Variants in HPSE2 observed in about 807,000 individuals in gnomAD.
HPSE2 encodes the protein inactive heparanase-2.
In HPSE2, 38 loss-of-function variants were observed where a neutral mutation model predicts 60.5. The observed-to-expected ratio is 0.63, with a 90% CI of 0.48 to 0.82. The LOEUF (loss-of-function observed/expected upper bound fraction) is 0.82. HPSE2 is among the 40% of genes least tolerant of loss of function. The pLI is 0.00. For missense variants in HPSE2, 713 were observed against 740.4 expected, an observed-to-expected ratio of 0.96 and a Z score of 0.43; for synonymous variants, 295 against 293.2, an observed-to-expected ratio of 1.01 and a Z score of -0.06.
chr10:98,955,982 G>A (rs1307144264), intron 3 of HPSE2, among the ~76,000 whole-genome samples: 1 of 152,060 alleles, frequency 6.6e-6, no homozygotes, highest in Non-Finnish European at 1.5e-5. Context: ...AGAGCATCAG[G>A]ATAAACAGTT....
At chr10:98,524,225 G>T (rs952387909) in intron 9 of HPSE2, among the ~76,000 whole-genome samples, 1 of 152,194 alleles carries the variant, frequency 6.6e-6, no homozygotes, top group Admixed American at 6.5e-5. Context: ...AATGGGACAC[G>T]CGCATGAGTT....
chr10:98,773,310 AGG>A (rs1950278695), intron 3 of HPSE2, among the ~76,000 whole-genome samples: 1 of 152,192 alleles, frequency 6.6e-6, no homozygotes, highest in African/African-American at 2.4e-5. Flanking sequence ...AGAGAATCAA[AGG>A]TTCAGTTATC....
chr10:98,829,747 A>G lies in HPSE2; in HGVS notation c.611-85691T>C, dbSNP rs147008754. Among the ~76,000 whole-genome samples, 104 of 152,264 alleles carry G rather than the reference A, an allele frequency of 6.8e-4. 1 individual carries two copies. Among genetic ancestry groups the G allele is most frequent in the African/African-American group, 2.4e-3 (100 of 41,578 alleles). On this transcript the variant is annotated intron_variant, in intron 3 of 11. Coordinates refer to ENST00000370552, the MANE Select transcript of HPSE2 (RefSeq NM_021828.5). ...AAAAACTTTATCTAGCCTTTAATAC[A>G]TGGGCTGGATTGCATTTTCAAAGTG...
intron 3 of HPSE2, among the ~76,000 whole-genome samples, chr10:98,800,645 G>C (rs1027958885): frequency 1.3e-5 from 2 of 151,756 alleles, no homozygotes; most frequent in Admixed American, 1.3e-4. Context: ...CAAATTCCTA[G>C]ACACATACAA....
the HPSE2 span, among the ~76,000 whole-genome samples, chr10:99,249,857 G>T: frequency 5.3e-5 from 8 of 152,054 alleles, no homozygotes; most frequent in Non-Finnish European, 1.2e-4. Flanking sequence ...TTAAAAGTGT[G>T]TAGTGGCCAG....
At chr10:99,189,971 C>T (rs1445453713) in intron 2 of HPSE2, among the ~76,000 whole-genome samples, 2 of 152,166 alleles carry the variant, frequency 1.3e-5, no homozygotes, top group African/African-American at 2.4e-5. Flanking sequence ...CAACCCTCTG[C>T]GAACTAGCCT....
the HPSE2 span, among the ~76,000 whole-genome samples, chr10:99,286,230 C>T: frequency 6.6e-6 from 1 of 152,078 alleles, no homozygotes; most frequent in Non-Finnish European, 1.5e-5. Context: ...TGTTATATAT[C>T]CAAATAATTG....
At chr10:99,015,134 G>A (rs1957109583) in intron 3 of HPSE2, among the ~76,000 whole-genome samples, 1 of 151,908 alleles carries the variant, frequency 6.6e-6, no homozygotes, top group Admixed American at 6.6e-5. Flanking sequence ...TCTCACACCA[G>A]TTAGAATGGC....
rs1400850122 is a variant in HPSE2, at chr10:98,457,953, T to C, written c.*1621A>G. The C allele has an allele frequency of 1.3e-5, 2 of 152,220 alleles. No homozygotes were observed. Among genetic ancestry groups the C allele is most frequent in the African/African-American group, 2.4e-5 (1 of 41,424 alleles). The allele number at this position is 152,220 out of a possible 1,614,324, so 9.4% of individuals were successfully genotyped here. A position where few individuals can be genotyped will look rare whatever the true frequency, so the allele number is the denominator to read the frequency against. ...TGTATGCTGTTCCTCCTGTGCTTAA[T>C]GATAAGCATGTCAAAACCCGGTCCC... is the stretch of plus-strand genomic sequence containing the variant. On this transcript the variant is annotated 3_prime_UTR_variant, in exon 12 of 12. Coordinates refer to ENST00000370552, the MANE Select transcript of HPSE2 (RefSeq NM_021828.5).
intron 6 of HPSE2, among the ~76,000 whole-genome samples, chr10:98,661,423 TCTC>T (rs1947221971): frequency 6.6e-6 from 1 of 152,130 alleles, no homozygotes; most frequent in African/African-American, 2.4e-5. Flanking sequence ...TGGTAAAAAG[TCTC>T]CTCCCATCTC....
At chr10:98,944,854 C>T (rs374054842) in intron 3 of HPSE2, among the ~76,000 whole-genome samples, 4 of 152,142 alleles carry the variant, frequency 2.6e-5, no homozygotes, top group African/African-American at 7.2e-5. Context: ...CTTCTCCACA[C>T]TGCTAACTTT....
In HPSE2 at chr10:98,723,778, A is replaced by G. The variant is rs545377229; in HGVS notation, c.785-1950T>C. Among the ~76,000 whole-genome samples the G allele has an allele frequency of 9.9e-5, 15 of 152,078 alleles. 1 individual carries two copies. Among genetic ancestry groups the G allele is most frequent in the African/African-American group, 2.4e-4 (10 of 41,480 alleles). ...GAGGTGTTTATAGTATTCTCTGATG[A>G]TAGTTTGTATGTCTGTGGGATCGGT... On this transcript the variant is annotated intron_variant, in intron 4 of 11. Coordinates refer to ENST00000370552, the MANE Select transcript of HPSE2 (RefSeq NM_021828.5).
At chr10:98,526,410 G>A (rs559800063) in intron 9 of HPSE2, among the ~76,000 whole-genome samples, 14 of 152,270 alleles carry the variant, frequency 9.2e-5, no homozygotes, top group African/African-American at 2.9e-4. Context: ...GAGCAACTCC[G>A]ATGTAAGTTT....
At chr10:99,099,219 G>C (rs886718883) in intron 3 of HPSE2, among the ~76,000 whole-genome samples, 1 of 152,188 alleles carries the variant, frequency 6.6e-6, no homozygotes, top group Non-Finnish European at 1.5e-5. Flanking sequence ...CAAGTGCAAG[G>C]GGTCAGGGAA....
chr10:98,505,393 TAA>T (rs1363482052), intron 9 of HPSE2, among the ~76,000 whole-genome samples: 1 of 152,196 alleles, frequency 6.6e-6, no homozygotes, highest in Admixed American at 6.5e-5. Flanking sequence ...AGTATATACC[TAA>T]GAGTGGAATT....
intron 3 of HPSE2, among the ~76,000 whole-genome samples, chr10:98,948,042 G>A (rs1270705884): frequency 6.6e-6 from 1 of 152,062 alleles, no homozygotes; most frequent in South Asian, 2.1e-4. Context: ...GACCATTAAG[G>A]GTCATTACAC....
chr10:98,918,600 G>T (rs1293548199), intron 3 of HPSE2, among the ~76,000 whole-genome samples: 1 of 145,170 alleles, frequency 6.9e-6, no homozygotes, highest in South Asian at 2.3e-4. Flanking sequence ...AACACCGCAT[G>T]TTCTCACTCA....
chr10:98,602,040 G>A (rs1451959975), intron 9 of HPSE2, among the ~76,000 whole-genome samples: 3 of 152,160 alleles, frequency 2.0e-5, no homozygotes, highest in African/African-American at 4.8e-5. Context: ...TTTGCAGGTC[G>A]GGTTGGGGAT....
intron 3 of HPSE2, among the ~76,000 whole-genome samples, chr10:98,929,955 T>C (rs1954596551): frequency 6.9e-6 from 1 of 144,068 alleles, no homozygotes; most frequent in African/African-American, 2.8e-5. Context: ...TATTGGCCTC[T>C]AGCCATGATC....
Sources: allele counts gnomAD v4.1 joint callset (sites outside exome capture counted in the v4.1 genomes callset), GRCh38; gene constraint gnomAD v4.1.1; transcripts MANE v1.5; gene names NCBI Gene and HGNC (gene_info 2026-07-23, HGNC 2026-07-21).